The following SMARCC1 variants were observed in gnomAD, a reference collection of about 807,000 sequenced individuals.
SMARCC1 encodes SWI/SNF complex subunit SMARCC1.
A neutral mutation model predicts 147.4 loss-of-function variants in SMARCC1; 43 were observed. The ratio of observed to expected loss-of-function variants is 0.29; its 90% CI spans 0.23 to 0.38. SMARCC1 has a LOEUF of 0.38. Ranked by LOEUF, SMARCC1 falls within the 10% of genes least tolerant of loss-of-function variation. SMARCC1 has a pLI of 1.00. For synonymous variants in SMARCC1, 495 were observed against 484.4 expected, an observed-to-expected ratio of 1.02 and a Z score of -0.29; for missense variants, 1,119 against 1,381.1, an observed-to-expected ratio of 0.81 and a Z score of 3.01.
intron 2 of SMARCC1, among the ~76,000 whole-genome samples, chr3:47,762,307 C>T (rs13091913): frequency 0.62 from 94,909 of 151,958 alleles, 30,473 homozygotes; most frequent in East Asian, 0.72. Context: ...ATTAACTTCA[C>T]GTTCCAAACG....
At position 47,686,809 on chromosome 3, in the gene SMARCC1, AC is replaced by A. The variant is rs1418507567; in HGVS notation, c.1264-640del. Among the ~76,000 whole-genome samples, 5 of 152,126 alleles carry A rather than the reference AC, an allele frequency of 3.3e-5. No homozygotes were observed. The East Asian group carries it at 9.6e-4, about 29-fold the overall frequency. On this transcript the variant is annotated intron_variant, in intron 13 of 27. Coordinates refer to ENST00000254480, the MANE Select transcript of SMARCC1 (RefSeq NM_003074.4). ...GGACCAGCCTGGGCAACATAGTCAG[AC>A]TTTGTCTCTACTAAAAATTTAGAAA...
chr3:47,754,336 G>A (rs969606606), intron 2 of SMARCC1, among the ~76,000 whole-genome samples: 1 of 151,918 alleles, frequency 6.6e-6, no homozygotes, highest in Non-Finnish European at 1.5e-5. Context: ...CTCAGTAGCT[G>A]GGACTGCAGG....
intron 2 of SMARCC1, among the ~76,000 whole-genome samples, chr3:47,764,848 C>A (rs150473936): frequency 6.6e-6 from 1 of 152,158 alleles, no homozygotes; most frequent in Non-Finnish European, 1.5e-5. Context: ...TCCTACATGG[C>A]CCCCAAGTTA....
rs146832470 is a variant in SMARCC1, at chr3:47,781,663, G to A, written c.135C>T (p.Ser45=). 2.4e-4 allele frequency: 379 copies of A among 1,558,546 alleles called. 4 individuals carry two copies. In the East Asian group the frequency reaches 4.6e-3, roughly 19 times the overall value. Residue 45 remains serine (S), a synonymous_variant, in exon 1 of 28, where the codon AGC becomes AGT. Coordinates refer to ENST00000254480, the MANE Select transcript of SMARCC1 (RefSeq NM_003074.4). ...AATCCAGCTGGGACACCGTCTCCGG[G>A]CTCTCCCAAAACTTGGTGGCCGGGC... ...DGGPATKFWE[S]PETVSQLDSV... is the part of the protein sequence containing the mutation.
intron 21 of SMARCC1, among the ~76,000 whole-genome samples, chr3:47,656,446 C>A (rs1309122283): frequency 1.3e-5 from 2 of 152,114 alleles, no homozygotes; most frequent in Non-Finnish European, 2.9e-5. Flanking sequence ...CAGAGCTAAC[C>A]AGCAAAGGTA....
At chr3:47,690,273 G>A (rs1382682691) in intron 12 of SMARCC1, among the ~76,000 whole-genome samples, 3 of 152,056 alleles carry the variant, frequency 2.0e-5, no homozygotes, top group African/African-American at 4.8e-5. Context: ...TGGCTGGTAC[G>A]GGACATAGCA....
At chr3:47,604,494 A>G in intron 26 of SMARCC1, 1 of 365,050 alleles carries the variant, frequency 2.7e-6, no homozygotes, top group Admixed American at 3.7e-5. Context: ...AGTTGGAAGG[A>G]CCTGCTCATA....
In SMARCC1 at chr3:47,738,148, A is replaced by G. The variant is rs2106831553; in HGVS notation, c.402-38T>C. ...AAAAACCCTAGTTAATTTGTCTCCC[A>G]GCTTAAACACAAATGAAAACTTGGT... is the stretch of plus-strand genomic sequence containing the variant. On this transcript the variant is annotated intron_variant, in intron 3 of 27. Coordinates refer to ENST00000254480, the MANE Select transcript of SMARCC1 (RefSeq NM_003074.4). 9 of 1,392,598 alleles carry G rather than the reference A, an allele frequency of 6.5e-6. No individual in the cohort carries two copies. In the South Asian group the frequency reaches 1.1e-4, roughly 16 times the overall value. 86.3% of individuals were successfully genotyped at this position (1,392,598 alleles called of 1,614,324 possible). A position where few individuals can be genotyped will look rare whatever the true frequency, so the allele number is the denominator to read the frequency against.
At chr3:47,679,403 A>G (rs2033612092) in intron 15 of SMARCC1, among the ~76,000 whole-genome samples, 1 of 152,168 alleles carries the variant, frequency 6.6e-6, no homozygotes, top group African/African-American at 2.4e-5. Context: ...TCTATTTCCA[A>G]TGCAAAACCA....
chr3:47,753,537 C>G (rs1381144982), intron 2 of SMARCC1, among the ~76,000 whole-genome samples: 4 of 151,062 alleles, frequency 2.6e-5, no homozygotes, highest in Non-Finnish European at 5.9e-5. Flanking sequence ...AAGGTGAAAC[C>G]CCGTCTCTAC....
chr3:47,654,916 A>G (rs1158979200), intron 21 of SMARCC1, among the ~76,000 whole-genome samples: 1 of 152,344 alleles, frequency 6.6e-6, no homozygotes, highest in South Asian at 2.1e-4. Context: ...TCAAAGTTCA[A>G]TATAAGTTTT....
chr3:47,682,804 C>T (rs1434516639), intron 14 of SMARCC1, among the ~76,000 whole-genome samples: 2 of 152,064 alleles, frequency 1.3e-5, no homozygotes, highest in African/African-American at 4.8e-5. Context: ...CAAAAAGCTA[C>T]ATTAAAAGTA....
intron 25 of SMARCC1, among the ~76,000 whole-genome samples, chr3:47,618,852 G>A (rs1389242955): frequency 6.6e-6 from 1 of 152,136 alleles, no homozygotes; most frequent in Non-Finnish European, 1.5e-5. Context: ...GATATATTCT[G>A]TAAGCGCTCA....
At chr3:47,588,750 G>C (rs2032124224) in intron 27 of SMARCC1, among the ~76,000 whole-genome samples, 2 of 116,228 alleles carry the variant, frequency 1.7e-5, no homozygotes, top group Admixed American at 1.3e-4. Flanking sequence ...GCACAAAATA[G>C]ATTATCAATA....
intron 21 of SMARCC1, among the ~76,000 whole-genome samples, chr3:47,646,846 C>G (rs1174211909): frequency 1.3e-5 from 2 of 152,154 alleles, no homozygotes; most frequent in Non-Finnish European, 2.9e-5. Flanking sequence ...GACCAGAGTA[C>G]CTGCTCCCCA....
intron 3 of SMARCC1, among the ~76,000 whole-genome samples, chr3:47,740,234 C>T (rs1007750227): frequency 1.2e-4 from 14 of 115,898 alleles, no homozygotes; most frequent in Non-Finnish European, 2.0e-4. Flanking sequence ...CTCGCCCTGT[C>T]GTCCAGACTG....
intron 2 of SMARCC1, among the ~76,000 whole-genome samples, chr3:47,758,703 T>C (rs1011850801): frequency 2.0e-5 from 3 of 152,276 alleles, no homozygotes; most frequent in Non-Finnish European, 1.5e-5. Flanking sequence ...ATATTTACTA[T>C]CTGTCCCTTT....
Position 47,622,346 on chromosome 3 carries a change from G to C in SMARCC1, c.2647-5C>G. The C allele has an allele frequency of 1.2e-6, 2 of 1,613,496 alleles. No homozygotes were observed. Among genetic ancestry groups the C allele is most frequent in the South Asian group, 1.1e-5 (1 of 90,970 alleles). ...TTCTTCCACTGCAGCCAGGTGCTAA[G>C]GGTACAAGATCATTCAAGCTATTTA... On this transcript the variant is annotated splice_polypyrimidine_tract_variant and splice_region_variant and intron_variant, in intron 24 of 27. Coordinates refer to ENST00000254480, the MANE Select transcript of SMARCC1 (RefSeq NM_003074.4).
At chr3:47,693,533 CAACAA>C (rs2033814584) in intron 11 of SMARCC1, among the ~76,000 whole-genome samples, 1 of 152,152 alleles carries the variant, frequency 6.6e-6, no homozygotes, top group Admixed American at 6.5e-5. Context: ...ACAAAATACT[CAACAA>C]AACATGAAAA....
Sources: allele counts gnomAD v4.1 joint callset (sites outside exome capture counted in the v4.1 genomes callset), GRCh38; gene constraint gnomAD v4.1.1; transcripts MANE v1.5; gene names NCBI Gene and HGNC (gene_info 2026-07-23, HGNC 2026-07-21).